The following PDE11A variants were observed in gnomAD, a reference collection of about 807,000 sequenced individuals.
PDE11A encodes the protein dual 3',5'-cyclic-AMP and -GMP phosphodiesterase 11A.
A neutral mutation model predicts 100.5 loss-of-function variants in PDE11A; 100 were observed. That is an observed-to-expected ratio of 1.00 (90% CI 0.85 to 1.18). The LOEUF (loss-of-function observed/expected upper bound fraction) is 1.18. Among genes scored for constraint, PDE11A ranks in the 50% most tolerant of loss-of-function variants. The pLI is 0.00. For missense variants in PDE11A, 1,141 were observed against 1,152.6 expected, an observed-to-expected ratio of 0.99 and a Z score of 0.15; for synonymous variants, 381 against 420.8, an observed-to-expected ratio of 0.91 and a Z score of 1.16.
Position 177,728,121 on chromosome 2 carries a change from C to A in PDE11A, c.1840G>T (p.Asp614Tyr). The A allele has an allele frequency of 6.2e-7, 1 of 1,612,890 alleles. No individual in the cohort carries two copies. Among genetic ancestry groups the A allele is most frequent in the Non-Finnish European group, 8.5e-7 (1 of 1,179,054 alleles). The change falls in exon 11 of 20, where the codon GAT becomes TAT. Residue 614 changes from aspartate to tyrosine, a missense_variant. Transcript: ENST00000286063. ...SELAIDDIHF[D>Y]DFSLDVDAMI... Reference sequence around the variant, plus strand: ...GCATCAACGTCGAGAGAAAAGTCATCAAAATGAATGTCATCGATGGCAAGT... The same window carrying A: ...GCATCAACGTCGAGAGAAAAGTCATAAAAATGAATGTCATCGATGGCAAGT...
intron 2 of PDE11A, among the ~76,000 whole-genome samples, chr2:177,982,716 C>T (rs915449624): frequency 6.6e-6 from 1 of 150,600 alleles, no homozygotes; most frequent in Admixed American, 6.6e-5. Flanking sequence ...CTAAAAACTG[C>T]TAGCAAAATG....
intron 9 of PDE11A, among the ~76,000 whole-genome samples, chr2:177,808,907 C>G (rs1241059384): frequency 6.6e-6 from 1 of 152,108 alleles, no homozygotes; most frequent in African/African-American, 2.4e-5. Flanking sequence ...GTGGTATATA[C>G]TTACAATGGA....
Position 177,820,222 on chromosome 2 carries a change from A to G in PDE11A, c.1574T>C (p.Ile525Thr), listed in dbSNP as rs1377096331. ...VPIWNSNHQIIGVAQVLNRLD... is the reference protein window; with the variant it reads ...VPIWNSNHQITGVAQVLNRLD... Reference sequence around the variant, plus strand: ...TAACTATTTAGGTCATCTCTTACCAATTATTTGGTGGTTGCTATTCCAAAT... The same window carrying G: ...TAACTATTTAGGTCATCTCTTACCAGTTATTTGGTGGTTGCTATTCCAAAT... Residue 525 changes from isoleucine (I) to threonine (T), a missense_variant and splice_region_variant, in exon 7 of 20, where the codon ATT becomes ACT. Physicochemically the swap from Ile to Thr is moderately conservative, Grantham distance 89 (BLOSUM62 -1). Transcript: ENST00000286063. 6.7e-7 allele frequency: 1 copy of G among 1,502,900 alleles called. No individual in the cohort carries two copies. Among genetic ancestry groups the G allele is most frequent in the Non-Finnish European group, 9.3e-7 (1 of 1,079,138 alleles). 93.1% of individuals were successfully genotyped at this position (1,502,900 alleles called of 1,614,324 possible).
intron 2 of PDE11A, among the ~76,000 whole-genome samples, chr2:177,983,046 A>C (rs531442969): frequency 6.6e-6 from 1 of 150,910 alleles, no homozygotes; most frequent in Admixed American, 6.6e-5. Context: ...ATTACACTCC[A>C]GCATGGGTGA....
At chr2:177,862,759 C>A (rs1415669979) in intron 5 of PDE11A, among the ~76,000 whole-genome samples, 2 of 151,834 alleles carry the variant, frequency 1.3e-5, no homozygotes, top group African/African-American at 4.8e-5. Context: ...TCCATACTAC[C>A]TAAAGCATAT....
At chr2:177,694,768 G>T (rs573918999) in intron 15 of PDE11A, among the ~76,000 whole-genome samples, 1 of 152,216 alleles carries the variant, frequency 6.6e-6, no homozygotes, top group South Asian at 2.1e-4. Context: ...TTTCTATTTT[G>T]CTGGCTTTTG....
At position 178,054,437 on chromosome 2, in the gene PDE11A, G is replaced by A. The variant is rs532306662; in HGVS notation, c.912+17089C>T. On this transcript the variant is annotated intron_variant, in intron 1 of 19. Transcript: ENST00000286063. ...CAATACCATTCAGGACATAGGCATG[G>A]GCAAGGACTTCATGTCTAAAATACC... Among the ~76,000 whole-genome samples the A allele has an allele frequency of 1.6e-3, 245 of 152,182 alleles. 1 individual carries two copies. Among genetic ancestry groups the A allele is most frequent in the Non-Finnish European group, 3.1e-3 (208 of 68,030 alleles).
chr2:177,729,865 T>C (rs368929625), intron 10 of PDE11A, among the ~76,000 whole-genome samples: 3 of 152,010 alleles, frequency 2.0e-5, no homozygotes, highest in African/African-American at 4.8e-5. Context: ...CCTTTTTTTT[T>C]CCAGTGTATC....
chr2:177,807,565 C>G (rs1224792625), intron 9 of PDE11A, among the ~76,000 whole-genome samples: 2 of 151,950 alleles, frequency 1.3e-5, no homozygotes, highest in Non-Finnish European at 2.9e-5. Context: ...GGACTACAAG[C>G]GCATGCCACC....
Position 177,624,437 on chromosome 2 carries a change from A to G in PDE11A, c.*4970T>C, listed in dbSNP as rs1452537666. On this transcript the variant is annotated 3_prime_UTR_variant, in exon 20 of 20. Coordinates refer to ENST00000286063, the MANE Select transcript of PDE11A (RefSeq NM_016953.4). ...GAAAAATAGATTTTAAAATAATTTT[A>G]CTGCAGAATAAATTGGGCAGATTCT... 1.3e-5 allele frequency: 2 copies of G among 152,150 alleles called. No individual in the cohort carries two copies. Among genetic ancestry groups the G allele is most frequent in the African/African-American group, 4.8e-5 (2 of 41,422 alleles). 9.4% of individuals were successfully genotyped at this position (152,150 alleles called of 1,614,324 possible).
At chr2:178,065,016 T>G (rs1288651343) in intron 1 of PDE11A, among the ~76,000 whole-genome samples, 1 of 152,194 alleles carries the variant, frequency 6.6e-6, no homozygotes, top group East Asian at 1.9e-4. Context: ...TATTTTTTAA[T>G]GCCAGAAAAC....
chr2:177,845,268 C>T (rs1164085241), intron 5 of PDE11A, among the ~76,000 whole-genome samples: 1 of 151,016 alleles, frequency 6.6e-6, no homozygotes, highest in Non-Finnish European at 1.5e-5. Flanking sequence ...CTCCTCACTT[C>T]TCAGACGGGG....
At chr2:177,681,170 C>G (rs9679360) in intron 15 of PDE11A, among the ~76,000 whole-genome samples, 8 of 152,058 alleles carry the variant, frequency 5.3e-5, no homozygotes, top group African/African-American at 1.7e-4. Flanking sequence ...CAATGTGGTG[C>G]GGCATTTAGG....
At chr2:177,701,416 T>G (rs192773425) in intron 13 of PDE11A, among the ~76,000 whole-genome samples, 2 of 152,188 alleles carry the variant, frequency 1.3e-5, no homozygotes, top group African/African-American at 4.8e-5. Flanking sequence ...CATAGAACTT[T>G]CTATGTATTA....
chr2:177,996,823 A>G (rs1221333945), intron 2 of PDE11A, among the ~76,000 whole-genome samples: 3 of 152,308 alleles, frequency 2.0e-5, no homozygotes, highest in Non-Finnish European at 4.4e-5. Flanking sequence ...AAAATCAGTA[A>G]CTTTTCAAAA....
chr2:177,785,808 C>T (rs1412857313), intron 9 of PDE11A, among the ~76,000 whole-genome samples: 3 of 152,214 alleles, frequency 2.0e-5, no homozygotes, highest in Non-Finnish European at 4.4e-5. Flanking sequence ...TGAGATCAAA[C>T]TGCAAGGCGG....
At chr2:177,913,349 T>A (rs1354143540) in intron 2 of PDE11A, among the ~76,000 whole-genome samples, 6 of 152,188 alleles carry the variant, frequency 3.9e-5, no homozygotes, top group Non-Finnish European at 7.4e-5. Context: ...TATATAGCGC[T>A]TTTCTGTACC....
chr2:177,923,356 G>A (rs1266222525), intron 2 of PDE11A, among the ~76,000 whole-genome samples: 1 of 97,226 alleles, frequency 1.0e-5, no homozygotes, highest in Non-Finnish European at 2.1e-5. Flanking sequence ...GCGAGGCTCT[G>A]TCTCTCCCCC....
chr2:177,992,858 G>T (rs1317483754), intron 2 of PDE11A, among the ~76,000 whole-genome samples: 1 of 152,064 alleles, frequency 6.6e-6, no homozygotes, highest in Non-Finnish European at 1.5e-5. Flanking sequence ...GATTGTCAAA[G>T]AACATGACAA....
Sources: gnomAD v4.1 joint callset for allele counts (sites outside exome capture counted in the v4.1 genomes callset) on GRCh38, gnomAD v4.1.1 for gene constraint, MANE v1.5 for transcripts, NCBI Gene and HGNC (gene_info 2026-07-23, HGNC 2026-07-21) for gene names.